Variants in RIC8B observed in about 807,000 individuals in gnomAD.
RIC8B encodes chaperone Ric-8B.
RIC8B carries 16 observed loss-of-function variants against 57.5 expected under a neutral mutation model. That is an observed-to-expected ratio of 0.28 (90% confidence interval 0.19 to 0.42). RIC8B has a LOEUF of 0.42. RIC8B is among the 10% of genes least tolerant of loss of function. RIC8B has a pLI of 1.00. For synonymous variants in RIC8B, 216 were observed against 250.8 expected, an observed-to-expected ratio of 0.86 and a Z score of 1.31; for missense variants, 481 against 677.0, an observed-to-expected ratio of 0.71 and a Z score of 3.21.
At chr12:106,818,876 C>T (rs1347505536) in intron 3 of RIC8B, among the ~76,000 whole-genome samples, 1 of 152,112 alleles carries the variant, frequency 6.6e-6, no homozygotes, top group Non-Finnish European at 1.5e-5. Flanking sequence ...AAGTGATTTT[C>T]CTGCCTCAGC....
At chr12:106,865,977 G>A (rs1230899718) in intron 8 of RIC8B, among the ~76,000 whole-genome samples, 3 of 152,082 alleles carry the variant, frequency 2.0e-5, no homozygotes, top group African/African-American at 7.2e-5. Flanking sequence ...CCACCTTCAA[G>A]TCTTTACTCA....
intron 4 of RIC8B, among the ~76,000 whole-genome samples, chr12:106,832,938 T>C (rs1198801001): frequency 6.6e-6 from 1 of 152,212 alleles, no homozygotes; most frequent in Non-Finnish European, 1.5e-5. Context: ...CCTCTAGTTC[T>C]TCAGTCTCTT....
intron 3 of RIC8B, among the ~76,000 whole-genome samples, chr12:106,820,381 T>A (rs1454719330): frequency 6.6e-6 from 1 of 152,232 alleles, no homozygotes; most frequent in Non-Finnish European, 1.5e-5. Flanking sequence ...AGCCTCTGTC[T>A]CCCTTTCCTA....
At chr12:106,816,108 CAT>C (rs1181074161) in intron 3 of RIC8B, among the ~76,000 whole-genome samples, 9 of 152,124 alleles carry the variant, frequency 5.9e-5, no homozygotes, top group East Asian at 1.9e-4. Flanking sequence ...AGAAGCATAA[CAT>C]GTCACATTTA....
intron 2 of RIC8B, among the ~76,000 whole-genome samples, chr12:106,785,710 T>C (rs1307790331): frequency 6.6e-6 from 1 of 152,042 alleles, no homozygotes; most frequent in African/African-American, 2.4e-5. Flanking sequence ...TTTTTCAAAA[T>C]AGCCCTGCTC....
chr12:106,778,574 C>T (rs1310490677), intron 1 of RIC8B, among the ~76,000 whole-genome samples: 2 of 152,028 alleles, frequency 1.3e-5, no homozygotes, highest in East Asian at 3.9e-4. Context: ...ATATTAATTC[C>T]TCTTATATTA....
At chr12:106,790,061 G>GT in intron 2 of RIC8B, among the ~76,000 whole-genome samples, 1 of 152,246 alleles carries the variant, frequency 6.6e-6, no homozygotes, top group East Asian at 1.9e-4. Context: ...CGGTAGTGCT[G>GT]TAAGTATGGT....
chr12:106,799,637 T>C (rs1320919226), intron 2 of RIC8B, among the ~76,000 whole-genome samples: 1 of 152,236 alleles, frequency 6.6e-6, no homozygotes, highest in Non-Finnish European at 1.5e-5. Flanking sequence ...GATAGATACA[T>C]TTCTATCTTA....
At chr12:106,791,309 C>A (rs1185252522) in intron 2 of RIC8B, among the ~76,000 whole-genome samples, 1 of 151,974 alleles carries the variant, frequency 6.6e-6, no homozygotes, top group African/African-American at 2.4e-5. Context: ...TTAAACTGTT[C>A]TTTTATATTA....
chr12:106,865,836 C>T (rs2136549178), intron 8 of RIC8B, among the ~76,000 whole-genome samples: 1 of 152,306 alleles, frequency 6.6e-6, no homozygotes, highest in Non-Finnish European at 1.5e-5. Context: ...ATACTATTGC[C>T]ACACTGACCT....
chr12:106,808,381 T>C (rs2045160580), intron 2 of RIC8B, among the ~76,000 whole-genome samples: 1 of 152,170 alleles, frequency 6.6e-6, no homozygotes, highest in Non-Finnish European at 1.5e-5. Context: ...TTTATGTTAT[T>C]TATTTATTAC....
At chr12:106,826,189 A>G (rs2136332888) in intron 4 of RIC8B, among the ~76,000 whole-genome samples, 1 of 152,308 alleles carries the variant, frequency 6.6e-6, no homozygotes, top group Middle Eastern at 3.4e-3. Flanking sequence ...TTTAATCACC[A>G]TGCCAACATT....
At position 106,885,883 on chromosome 12, in the gene RIC8B, CTCTTT is replaced by C. The variant is rs754453754; in HGVS notation, c.1572-19_1572-15del. 1.5e-5 allele frequency: 23 copies of C among 1,513,112 alleles called. No individual in the cohort carries two copies. Among genetic ancestry groups the C allele is most frequent in the Non-Finnish European group, 1.9e-5 (21 of 1,090,294 alleles). The allele number at this position is 1,513,112 out of a possible 1,614,324, so 93.7% of individuals were successfully genotyped here. ...TGCTGGTGAATACTTTTTTTTCTCTCTCTTTTATCTCTTTTTCTAGAGAGGAGTTG... is the reference window on the plus strand; with the variant it reads ...TGCTGGTGAATACTTTTTTTTCTCTCTATCTCTTTTTCTAGAGAGGAGTTG... On this transcript the variant is annotated splice_polypyrimidine_tract_variant and intron_variant, in intron 9 of 9. Coordinates refer to ENST00000392837, the MANE Select transcript of RIC8B (RefSeq NM_001330145.2).
intron 6 of RIC8B, among the ~76,000 whole-genome samples, chr12:106,844,598 T>C (rs1355309156): frequency 6.6e-6 from 1 of 152,160 alleles, no homozygotes; most frequent in Non-Finnish European, 1.5e-5. Flanking sequence ...TGGAGTGTTT[T>C]AAGAGGGGAA....
At position 106,815,285 on chromosome 12, in the gene RIC8B, G is replaced by C; in HGVS notation, c.722G>C (p.Ser241Thr). 6.2e-7 allele frequency: 1 copy of C among 1,612,460 alleles called. No homozygotes were observed. Among genetic ancestry groups the C allele is most frequent in the South Asian group, 1.1e-5 (1 of 90,738 alleles). Residue 241 changes from serine (S) to threonine (T), a missense_variant, in exon 3 of 10, where the codon AGT becomes ACT. Around this residue, in one of 3 missense-constraint regions of RIC8B, gnomAD observed 421 missense variants for 560.9 expected, o/e 0.75. Transcript: ENST00000392837. ...GCTCTCTTCAATGTGACGGTAGACA[G>C]TTGGAAGGTGCATAAAGAGGTAAGG... ...LKALFNVTVD[S>T]WKVHKESDSH...
intron 1 of RIC8B, among the ~76,000 whole-genome samples, chr12:106,775,751 G>A (rs1485704743): frequency 6.6e-6 from 1 of 152,184 alleles, no homozygotes; most frequent in East Asian, 1.9e-4. Context: ...TCAAAAGATA[G>A]CCTACCACAC....
At chr12:106,789,756 C>G (rs1451402965) in intron 2 of RIC8B, among the ~76,000 whole-genome samples, 1 of 152,130 alleles carries the variant, frequency 6.6e-6, no homozygotes, top group African/African-American at 2.4e-5. Flanking sequence ...CCATATCACT[C>G]CCCTCGTTCT....
chr12:106,874,604 A>G (rs777662379), intron 9 of RIC8B: 3 of 1,453,428 alleles, frequency 2.1e-6, no homozygotes, highest in Non-Finnish European at 2.8e-6. Flanking sequence ...AGCCTGGTGT[A>G]GGGTATAGAT....
Position 106,870,867 on chromosome 12 carries a change from C to G in RIC8B, c.1496C>G (p.Pro499Arg). Reference protein sequence around the residue: ...TGHLEEPMPNPIDEMTEEQKE... With the variant: ...TGHLEEPMPNRIDEMTEEQKE... ...CATTTAGAGGAACCAATGCCAAACCCCATAGATGAAATGACAGAAGAACAA... is the reference window on the plus strand; with the variant it reads ...CATTTAGAGGAACCAATGCCAAACCGCATAGATGAAATGACAGAAGAACAA... The change falls in exon 9 of 10, where the codon CCC becomes CGC. Residue 499 changes from proline (P) to arginine (R), a missense_variant. Coordinates refer to ENST00000392837, the MANE Select transcript of RIC8B (RefSeq NM_001330145.2). 6.5e-7 allele frequency: 1 copy of G among 1,545,190 alleles called. No homozygotes were observed. Among genetic ancestry groups the G allele is most frequent in the Non-Finnish European group, 8.8e-7 (1 of 1,142,776 alleles).
Sources: gnomAD v4.1 joint callset for allele counts (sites outside exome capture counted in the v4.1 genomes callset) on GRCh38, gnomAD v4.1.1 for gene constraint, gnomAD v4.1.1 regional missense constraint, MANE v1.5 for transcripts, NCBI Gene and HGNC (gene_info 2026-07-23, HGNC 2026-07-21) for gene names.